MAGI2: variants seen among roughly 807,000 people sequenced by gnomAD.
The protein encoded by MAGI2 is membrane associated guanylate kinase, WW and PDZ domain containing 2.
Under a neutral mutation model 133.3 loss-of-function variants are expected in MAGI2, and 35 were observed. That is an observed-to-expected ratio of 0.26 (90% CI 0.20 to 0.35). The LOEUF (loss-of-function observed/expected upper bound fraction) is 0.35. Among genes scored for constraint, MAGI2 ranks in the 10% least tolerant of loss-of-function variants. MAGI2 has a pLI of 1.00. For missense variants in MAGI2, 1,636 were observed against 1,863.4 expected (o/e 0.88, Z 2.25); for synonymous variants, 729 against 710.6 (o/e 1.03, Z -0.41).
intron 9 of MAGI2, among the ~76,000 whole-genome samples, chr7:78,327,175 C>T (rs1788671450): frequency 6.6e-6 from 1 of 152,222 alleles, no homozygotes; most frequent in African/African-American, 2.4e-5. Context: ...GCAGGCAGCT[C>T]TCTTGAGTGG....
intron 2 of MAGI2, among the ~76,000 whole-genome samples, chr7:78,989,336 C>T (rs1419321420): frequency 3.9e-5 from 6 of 152,006 alleles, no homozygotes; most frequent in Admixed American, 3.9e-4. Flanking sequence ...ATGTCTTATA[C>T]ACCAGTAGGA....
At chr7:78,524,352 A>C (rs1243769589) in intron 3 of MAGI2, among the ~76,000 whole-genome samples, 1 of 152,122 alleles carries the variant, frequency 6.6e-6, no homozygotes, top group African/African-American at 2.4e-5. Flanking sequence ...CGAAGTAAGA[A>C]TGTATGAGAA....
intron 1 of MAGI2, among the ~76,000 whole-genome samples, chr7:79,168,414 T>C (rs1416640831): frequency 1.3e-5 from 2 of 152,114 alleles, no homozygotes; most frequent in Non-Finnish European, 2.9e-5. Context: ...CTTCAGCTTG[T>C]ACTTTCTAAG....
At chr7:78,359,240 G>A (rs182409869) in intron 7 of MAGI2, 1 of 152,290 alleles carries the variant, frequency 6.6e-6, no homozygotes, top group Admixed American at 6.5e-5. Context: ...CCTCGTGAAA[G>A]GGGCATCTCT....
At chr7:78,838,053 C>T (rs963173916) in intron 2 of MAGI2, among the ~76,000 whole-genome samples, 4 of 152,098 alleles carry the variant, frequency 2.6e-5, no homozygotes, top group African/African-American at 9.7e-5. Context: ...CCTCATGCAT[C>T]TTTAATGCAT....
intron 1 of MAGI2, among the ~76,000 whole-genome samples, chr7:79,228,369 A>AAAAAAAAAAAAAAAAAAAAAAAAAAC: frequency 1.3e-5 from 2 of 148,416 alleles, no homozygotes; most frequent in South Asian, 2.2e-4. Flanking sequence ...AAAAAAAAAA[A>AAAAAAAAAAAAAAAAAAAAAAAAAAC]AGATCGTGGG....
intron 3 of MAGI2, among the ~76,000 whole-genome samples, chr7:78,540,125 G>T (rs1028577692): frequency 6.6e-6 from 1 of 152,168 alleles, no homozygotes; most frequent in Non-Finnish European, 1.5e-5. Flanking sequence ...TCAGGCAATG[G>T]GCAGGGCCAT....
intron 2 of MAGI2, among the ~76,000 whole-genome samples, chr7:78,923,511 CG>C (rs1799430444): frequency 1.3e-5 from 2 of 152,006 alleles, no homozygotes; most frequent in Non-Finnish European, 2.9e-5. Flanking sequence ...TGTAGATAAG[CG>C]GCGTTATTTC....
chr7:78,194,058 A>G (rs1828486471), intron 12 of MAGI2, among the ~76,000 whole-genome samples: 1 of 152,224 alleles, frequency 6.6e-6, no homozygotes, highest in African/African-American at 2.4e-5. Flanking sequence ...ACTGAAGCAA[A>G]GGAAATCAGC....
At chr7:78,604,224 G>A (rs538315276) in intron 3 of MAGI2, among the ~76,000 whole-genome samples, 1 of 152,220 alleles carries the variant, frequency 6.6e-6, no homozygotes, top group African/African-American at 2.4e-5. Context: ...AAGTTCTTTA[G>A]ACAAAGAGAA....
intron 2 of MAGI2, among the ~76,000 whole-genome samples, chr7:78,689,830 T>C (rs947386255): frequency 9.9e-5 from 15 of 152,222 alleles, no homozygotes; most frequent in African/African-American, 3.4e-4. Flanking sequence ...TCAATTGTTG[T>C]ATTTGTGTTG....
chr7:78,331,821 T>C (rs1789233251), intron 9 of MAGI2, among the ~76,000 whole-genome samples: 1 of 152,234 alleles, frequency 6.6e-6, no homozygotes, highest in Admixed American at 6.5e-5. Flanking sequence ...ATCTATATTT[T>C]ACTTTAGCTC....
intron 2 of MAGI2, among the ~76,000 whole-genome samples, chr7:78,870,449 G>A (rs1239563520): frequency 6.6e-6 from 1 of 151,788 alleles, no homozygotes; most frequent in Non-Finnish European, 1.5e-5. Flanking sequence ...ACAAAAAAAT[G>A]CTCAACATCA....
At chr7:79,433,083 G>A (rs949080913) in intron 1 of MAGI2, among the ~76,000 whole-genome samples, 15 of 152,114 alleles carry the variant, frequency 9.9e-5, no homozygotes, top group Non-Finnish European at 4.4e-5. Flanking sequence ...TAAATTGGAT[G>A]CAAGGTTAAA....
chr7:78,612,491 T>A (rs1243485170), intron 3 of MAGI2, among the ~76,000 whole-genome samples: 1 of 152,080 alleles, frequency 6.6e-6, no homozygotes, highest in Non-Finnish European at 1.5e-5. Flanking sequence ...AAAACAAGAA[T>A]AAATGAAAAC....
At chr7:78,564,968 T>A (rs1207012232) in intron 3 of MAGI2, among the ~76,000 whole-genome samples, 9 of 151,536 alleles carry the variant, frequency 5.9e-5, no homozygotes, top group African/African-American at 2.2e-4. Flanking sequence ...TAATTTTTTG[T>A]GTTTTTAGTA....
Position 79,418,795 on chromosome 7 carries a change from C to T in MAGI2, c.301+34225G>A, listed in dbSNP as rs1023644150. Among the ~76,000 whole-genome samples, 3 of 149,844 alleles carry T rather than the reference C, an allele frequency of 2.0e-5. No homozygotes were observed. In the Admixed American group the frequency reaches 2.0e-4, roughly 10 times the overall value. On this transcript the variant is annotated intron_variant, in intron 1 of 21. Coordinates refer to ENST00000354212, the MANE Select transcript of MAGI2 (RefSeq NM_012301.4). ...ACACTTACCTCTAGGTTTATTAGCC[C>T]CAACAATGAAAAAAAAAGCAAGTTC...
chr7:78,228,721 T>C (rs773564464), intron 10 of MAGI2, among the ~76,000 whole-genome samples: 48 of 152,306 alleles, frequency 3.2e-4, no homozygotes, highest in African/African-American at 1.1e-3. Context: ...AGTAGAAATA[T>C]ATTTATGGGG....
chr7:78,226,414 C>G (rs146772724), intron 10 of MAGI2, among the ~76,000 whole-genome samples: 1 of 151,834 alleles, frequency 6.6e-6, no homozygotes, highest in Non-Finnish European at 1.5e-5. Context: ...AAAATACAGG[C>G]ATTACTCTCC....
Sources: gnomAD v4.1 joint callset for allele counts (sites outside exome capture counted in the v4.1 genomes callset) on GRCh38, gnomAD v4.1.1 for gene constraint, MANE v1.5 for transcripts, NCBI Gene and HGNC (gene_info 2026-07-23, HGNC 2026-07-21) for gene names.